FANCA: variants seen among roughly 807,000 people sequenced by gnomAD.
The protein encoded by FANCA is Fanconi anemia group A protein.
A neutral mutation model predicts 194.3 loss-of-function variants in FANCA; 236 were observed. The ratio of observed to expected loss-of-function variants is 1.21; its 90% confidence interval spans 1.09 to 1.35. The LOEUF is 1.35. Ranked by LOEUF, FANCA falls within the 40% of genes most tolerant of loss-of-function variation. The pLI is 0.00. For synonymous variants in FANCA, 1,014 were observed against 715.8 expected (o/e 1.42, Z -6.65); for missense variants, 2,628 against 1,813.9 (o/e 1.45, Z -8.15).
chr16:89,743,942 T>C (rs934616856), intron 36 of FANCA, among the ~76,000 whole-genome samples: 1 of 152,080 alleles, frequency 6.6e-6, no homozygotes, highest in Admixed American at 6.5e-5. Flanking sequence ...TCATTGCCCA[T>C]GCTGGACTAC....
chr16:89,756,558 G>C (rs956956823), intron 30 of FANCA, among the ~76,000 whole-genome samples: 1 of 152,194 alleles, frequency 6.6e-6, no homozygotes, highest in African/African-American at 2.4e-5. Context: ...CCAGGAGGTC[G>C]AGGCTGCAGT....
chr16:89,803,192 T>G (rs921872731), intron 8 of FANCA, 67 bp downstream of exon 8: 38 of 1,433,086 alleles, frequency 2.7e-5, no homozygotes, highest in Non-Finnish European at 3.3e-5. Context: ...GACACGTAAA[T>G]ACATTTCAAC....
Position 89,767,139 on chromosome 16 carries a change from A to T in FANCA, c.2601+2T>A. 1 of 1,605,790 alleles carries T rather than the reference A, an allele frequency of 6.2e-7. No homozygotes were observed. The highest frequency in any genetic ancestry group is 8.5e-7 in the Non-Finnish European group (1 of 1,172,490). On this transcript the variant is annotated splice_donor_variant, in intron 27 of 42. Transcript: ENST00000389301. LOFTEE classifies it high-confidence loss of function. ...GGAAAAATAGGAAAAGAGTGAACCT[A>T]CCTTTTTAATAAGGCCTGGAGATAA... is the stretch of plus-strand genomic sequence containing the variant.
chr16:89,770,436 G>T, intron 24 of FANCA, 128 bp downstream of exon 24: 1 of 1,053,002 alleles, frequency 9.5e-7, no homozygotes, highest in Non-Finnish European at 1.4e-6. Flanking sequence ...CGTCCTATTT[G>T]ATGAAACTCA....
chr16:89,742,702 C>A, intron 37 of FANCA, 98 bp downstream of exon 37: 55 of 892,148 alleles, frequency 6.2e-5, no homozygotes, highest in Non-Finnish European at 8.1e-5. Flanking sequence ...ACATATTTGT[C>A]TTTAGAAAAA....
intron 28 of FANCA, 146 bp from the exon 29 acceptor site, chr16:89,762,168 G>T: frequency 1.4e-6 from 1 of 721,476 alleles, no homozygotes; most frequent in Non-Finnish European, 2.5e-6. Context: ...AGTTCCACAG[G>T]AAAGAAACCT....
At chr16:89,814,757 A>C (rs1433418383) in intron 2 of FANCA, 144 bp from the exon 3 acceptor site, 1 of 649,114 alleles carries the variant, frequency 1.5e-6, no homozygotes, top group South Asian at 1.5e-5. Flanking sequence ...CCTGGCCAAC[A>C]TAGTGAAACC....
At position 89,748,707 on chromosome 16, in the gene FANCA, G is replaced by A. The variant is rs1372873475; in HGVS notation, c.3300C>T (p.Pro1100=). ...AGAACTGCTCGCATCTGGCAGTGAT[G>A]GGCTGTTCTGCCTGGAAGCTGCTGC... ...LCGSSFQAEQ[P]ITARCEQFFH... The change falls in exon 33 of 43, where the codon CCC becomes CCT. Residue 1100 remains proline (P), a synonymous_variant. Transcript: ENST00000389301. The A allele has an allele frequency of 2.7e-5, 43 of 1,613,994 alleles. No individual in the cohort carries two copies. The highest frequency in any genetic ancestry group is 3.6e-5 in the Non-Finnish European group (43 of 1,180,034).
In FANCA at chr16:89,799,229, G is replaced by C. The variant is rs35880318; in HGVS notation, c.830C>G (p.Ala277Gly). The C allele has an allele frequency of 1.2e-6, 2 of 1,614,034 alleles. No individual in the cohort carries two copies. Among genetic ancestry groups the C allele is most frequent in the African/African-American group, 1.3e-5 (1 of 75,042 alleles). Residue 277 changes from alanine to glycine, a missense_variant, in exon 10 of 43, where the codon GCA becomes GGA. Physicochemically the swap from Ala to Gly is moderately conservative, Grantham distance 60. Transcript: ENST00000389301. ...VDVLQRMLIFALDALAAGVQE... is the reference protein window; with the variant it reads ...VDVLQRMLIFGLDALAAGVQE... The stretch of plus-strand genomic sequence containing the variant: ...TACTCCAGCAGCCAAAGCGTCAAGT[G>C]CAACTGAAGACAGAGCCAGGAACAG...
chr16:89,743,925 TTCTC>T (rs1365838813), intron 36 of FANCA, among the ~76,000 whole-genome samples: 3 of 151,526 alleles, frequency 2.0e-5, no homozygotes, highest in African/African-American at 4.9e-5. Context: ...GAGATGGAGT[TTCTC>T]TCTCATTGCC....
intron 21 of FANCA, among the ~76,000 whole-genome samples, chr16:89,775,436 T>C (rs1247899698): frequency 1.3e-5 from 2 of 152,076 alleles, no homozygotes; most frequent in Admixed American, 1.3e-4. Flanking sequence ...AGCACCCGAG[T>C]CTGAAGCCTG....
chr16:89,771,899 A>T (rs1426489598), intron 22 of FANCA, 85 bp from the exon 23 acceptor site: 4 of 1,505,316 alleles, frequency 2.7e-6, no homozygotes, highest in East Asian at 2.3e-5. Flanking sequence ...GCCTCCCGTC[A>T]AGTACGATTC....
intron 35 of FANCA, among the ~76,000 whole-genome samples, chr16:89,746,362 A>T (rs969084357): frequency 6.6e-6 from 1 of 152,258 alleles, no homozygotes. Context: ...TGCGGGTGCC[A>T]TGGTGACGGC....
At chr16:89,763,898 G>T (rs2039036466) in intron 28 of FANCA, among the ~76,000 whole-genome samples, 1 of 145,846 alleles carries the variant, frequency 6.9e-6, no homozygotes, top group Non-Finnish European at 1.5e-5. Context: ...GCGCCACTGT[G>T]CCCCAGAGTA....
chr16:89,741,368 GAACCCCTGCAGGGTGGTTATAATCACCA>G (rs1330254051), intron 37 of FANCA, among the ~76,000 whole-genome samples: 1 of 152,228 alleles, frequency 6.6e-6, no homozygotes, highest in Admixed American at 6.5e-5. Flanking sequence ...GTACTCAGAA[GAACCCCTGCAGGGTGGTTATAATCACCA>G]AAACCCTGGG....
intron 20 of FANCA, 109 bp from the exon 21 acceptor site, chr16:89,775,924 TATAA>T (rs1484187838): frequency 4.6e-6 from 3 of 647,110 alleles, no homozygotes; most frequent in African/African-American, 1.9e-5. Context: ...TTAAATAAAT[TATAA>T]ATACTGTGTA....
intron 7 of FANCA, 109 bp from the exon 8 acceptor site, chr16:89,803,450 C>T: frequency 1.0e-6 from 1 of 967,632 alleles, no homozygotes; most frequent in Admixed American, 1.7e-5. Context: ...TGGCTTGGGC[C>T]CACCAGGACC....
chr16:89,794,315 G>A (rs148874140), intron 11 of FANCA, among the ~76,000 whole-genome samples: 3,390 of 152,232 alleles, frequency 0.022, 56 homozygotes, highest in Non-Finnish European at 0.038. Context: ...ACTTTGGGAG[G>A]CCGAAGTGGG....
rs867972345 is a variant in FANCA, at chr16:89,746,124, G to A, written c.3513+460C>T. ...CTCGGGACCCTGGGCTGCTAGGGGA[G>A]CCTGCTGAGCTCTGGCGGGAGCTGA... On this transcript the variant is annotated intron_variant, in intron 35 of 42. Coordinates refer to ENST00000389301, the MANE Select transcript of FANCA (RefSeq NM_000135.4). 3.2e-4 allele frequency among the ~76,000 whole-genome samples: 48 copies of A among 152,310 alleles called. 2 individuals are homozygous for A. Among genetic ancestry groups the A allele is most frequent in the Middle Eastern group, 3.4e-3 (1 of 294 alleles).
Sources: gnomAD v4.1 joint callset for allele counts (sites outside exome capture counted in the v4.1 genomes callset) on GRCh38, gnomAD v4.1.1 for gene constraint, MANE v1.5 for transcripts, NCBI Gene and HGNC (gene_info 2026-07-23, HGNC 2026-07-21) for gene names.